Variants in DLGAP2 observed in about 807,000 individuals in gnomAD.
DLGAP2 encodes DLG associated protein 2.
In DLGAP2, 26 loss-of-function variants were observed where a neutral mutation model predicts 100.3. The observed-to-expected ratio is 0.26, with a 90% CI of 0.19 to 0.36. The LOEUF (loss-of-function observed/expected upper bound fraction) is 0.36, where lower values mean the gene tolerates loss of function less well. Among genes scored for constraint, DLGAP2 ranks in the 10% least tolerant of loss-of-function variants. The probability of loss-of-function intolerance (pLI) is 1.00; values close to 1 mark genes in which losing one functional copy is unlikely to be tolerated. For missense variants in DLGAP2, 1,858 were observed against 1,453.2 expected, an observed-to-expected ratio of 1.28 and a Z score of -4.53; for synonymous variants, 886 against 630.1, an observed-to-expected ratio of 1.41 and a Z score of -6.08.
At chr8:1,071,114 C>T (rs1310621364) in intron 2 of DLGAP2, among the ~76,000 whole-genome samples, 1 of 152,188 alleles carries the variant, frequency 6.6e-6, no homozygotes, top group Non-Finnish European at 1.5e-5. Context: ...CTGGCTGCTC[C>T]TCCCACGGAT....
intron 3 of DLGAP2, among the ~76,000 whole-genome samples, chr8:1,390,968 C>A (rs901399799): frequency 1.3e-5 from 2 of 152,150 alleles, no homozygotes; most frequent in African/African-American, 2.4e-5. Flanking sequence ...TCAGAAAGAC[C>A]CAGGGTCTGT....
Position 1,632,951 on chromosome 8 carries a change from A to G in DLGAP2, c.1715A>G (p.Tyr572Cys). 6.2e-7 allele frequency: 1 copy of G among 1,613,866 alleles called. No homozygotes were observed. Among genetic ancestry groups the G allele is most frequent in the Non-Finnish European group, 8.5e-7 (1 of 1,179,874 alleles). The change falls in exon 8 of 15, where the codon TAC (tyrosine) becomes TGC (cysteine). Residue 572 changes from tyrosine to cysteine, a missense_variant. Coordinates refer to ENST00000637795, the MANE Select transcript of DLGAP2 (RefSeq NM_001346810.2). ...TGTTTCCGAACAAGGAGTCACAGCT[A>G]CCTTCGAGCCATTCAAGCCGGCTAC... ...PGCFRTRSHS[Y>C]LRAIQAGYSQ...
At chr8:1,602,057 C>A (rs910486715) in intron 6 of DLGAP2, among the ~76,000 whole-genome samples, 2 of 151,908 alleles carry the variant, frequency 1.3e-5, no homozygotes, top group Non-Finnish European at 2.9e-5. Flanking sequence ...TGCTGCATCC[C>A]AGACTTGGGC....
chr8:1,162,508 G>A (rs1372372108), intron 2 of DLGAP2, among the ~76,000 whole-genome samples: 1 of 152,186 alleles, frequency 6.6e-6, no homozygotes. Context: ...CATAAATACA[G>A]AGAAAATTAA....
At chr8:745,802 A>C (rs1055092073) in intron 1 of DLGAP2, among the ~76,000 whole-genome samples, 1 of 152,224 alleles carries the variant, frequency 6.6e-6, no homozygotes, top group Non-Finnish European at 1.5e-5. Flanking sequence ...AAGTAAAGAG[A>C]ACGGACTATA....
chr8:1,461,615 G>A lies in DLGAP2; in HGVS notation c.107-39751G>A, dbSNP rs1338358462. Among the ~76,000 whole-genome samples, 10 of 49,628 alleles carry A rather than the reference G, an allele frequency of 2.0e-4. 1 individual carries two copies. Among genetic ancestry groups the A allele is most frequent in the Admixed American group, 2.6e-4 (1 of 3,866 alleles). The allele number at this position is 49,628 out of a possible 152,430, so 32.6% of individuals were successfully genotyped here. A position where few individuals can be genotyped will look rare whatever the true frequency, so the allele number is the denominator to read the frequency against. ...GCTGTCACGTGGGCTGGGTGCAGTC[G>A]CTGATTCGGTGGCCAGGAGGAGGGA... On this transcript the variant is annotated intron_variant, in intron 3 of 14. Transcript: ENST00000637795.
Position 1,545,769 on chromosome 8 carries a change from C to A in DLGAP2, c.173-2857C>A, listed in dbSNP as rs539485654. Among the ~76,000 whole-genome samples, 97 of 152,354 alleles carry A rather than the reference C, an allele frequency of 6.4e-4. 1 individual carries two copies. In the Middle Eastern group the frequency reaches 0.01, roughly 16 times the overall value. ...AGTGGAAATGAGAATGTGGTATCAA[C>A]ATGTGGCATAATCAAATTTAATTCA... On this transcript the variant is annotated intron_variant, in intron 4 of 14. Coordinates refer to ENST00000637795, the MANE Select transcript of DLGAP2 (RefSeq NM_001346810.2).
intron 2 of DLGAP2, among the ~76,000 whole-genome samples, chr8:1,223,937 C>A (rs1005402207): frequency 6.6e-6 from 1 of 152,192 alleles, no homozygotes; most frequent in East Asian, 1.9e-4. Flanking sequence ...TTGTTAAAAA[C>A]AATAAGGATA....
intron 2 of DLGAP2, among the ~76,000 whole-genome samples, chr8:968,993 A>T (rs931059874): frequency 6.6e-5 from 10 of 152,162 alleles, no homozygotes; most frequent in Non-Finnish European, 1.5e-4. Context: ...CTTGCTGCAT[A>T]GTGTGTGGGT....
At chr8:941,291 T>C (rs1217483902) in intron 2 of DLGAP2, among the ~76,000 whole-genome samples, 1 of 151,960 alleles carries the variant, frequency 6.6e-6, no homozygotes, top group Admixed American at 6.6e-5. Context: ...TCTGTGTATC[T>C]AGGATTTTGG....
intron 1 of DLGAP2, among the ~76,000 whole-genome samples, chr8:753,198 G>A (rs900802092): frequency 3.3e-5 from 5 of 152,186 alleles, no homozygotes; most frequent in Non-Finnish European, 7.3e-5. Context: ...TGCGGACCCC[G>A]TCACTTACGC....
At chr8:946,811 TAC>T (rs1006157774) in intron 2 of DLGAP2, among the ~76,000 whole-genome samples, 5 of 152,180 alleles carry the variant, frequency 3.3e-5, no homozygotes, top group Non-Finnish European at 7.3e-5. Flanking sequence ...GAACTGCCAT[TAC>T]ACACAGATAG....
At chr8:1,294,983 C>T (rs1271754115) in intron 3 of DLGAP2, among the ~76,000 whole-genome samples, 1 of 151,620 alleles carries the variant, frequency 6.6e-6, no homozygotes, top group East Asian at 1.9e-4. Context: ...ATTTAAACTT[C>T]ACTTGAGGAA....
chr8:1,467,021 G>T (rs1032187443), intron 3 of DLGAP2, among the ~76,000 whole-genome samples: 3 of 149,114 alleles, frequency 2.0e-5, no homozygotes, highest in Admixed American at 6.6e-5. Flanking sequence ...AAGTGGGGGG[G>T]ATGTGGGCAG....
At chr8:1,345,069 CT>C (rs1271879156) in intron 3 of DLGAP2, among the ~76,000 whole-genome samples, 1 of 152,154 alleles carries the variant, frequency 6.6e-6, no homozygotes, top group Non-Finnish European at 1.5e-5. Flanking sequence ...TTATCTGGCC[CT>C]TTGCAAAGTT....
At chr8:1,129,542 G>A (rs531125066) in intron 2 of DLGAP2, among the ~76,000 whole-genome samples, 3 of 152,148 alleles carry the variant, frequency 2.0e-5, no homozygotes, top group Non-Finnish European at 2.9e-5. Context: ...AAAATGCTGG[G>A]AGGAGACGTT....
intron 2 of DLGAP2, among the ~76,000 whole-genome samples, chr8:921,512 C>T (rs1254530522): frequency 6.6e-6 from 1 of 152,268 alleles, no homozygotes; most frequent in East Asian, 1.9e-4. Context: ...CACGTGCTTT[C>T]ACATGACCCA....
chr8:1,381,835 T>G (rs1177493759), intron 3 of DLGAP2, among the ~76,000 whole-genome samples: 1 of 146,222 alleles, frequency 6.8e-6, no homozygotes, highest in Non-Finnish European at 1.5e-5. Context: ...TTGTATCACA[T>G]TTTCAAAGTG....
intron 3 of DLGAP2, among the ~76,000 whole-genome samples, chr8:1,439,976 T>C (rs773435586): frequency 6.6e-6 from 1 of 152,166 alleles, no homozygotes; most frequent in Non-Finnish European, 1.5e-5. Flanking sequence ...GCACCTATGA[T>C]GTGCAAGTCA....
Sources: allele counts gnomAD v4.1 joint callset (sites outside exome capture counted in the v4.1 genomes callset), GRCh38; gene constraint gnomAD v4.1.1; transcripts MANE v1.5; gene names NCBI Gene and HGNC (gene_info 2026-07-23, HGNC 2026-07-21).